CNTNAP2: variants seen among roughly 807,000 people sequenced by gnomAD.
CNTNAP2 encodes contactin-associated protein-like 2.
Under a neutral mutation model 155.2 loss-of-function variants are expected in CNTNAP2, and 98 were observed. That is an observed-to-expected ratio of 0.63 (90% CI 0.54 to 0.75). The LOEUF is 0.75. Among genes scored for constraint, CNTNAP2 ranks in the 30% least tolerant of loss-of-function variants. The pLI, the probability that CNTNAP2 is intolerant of heterozygous loss-of-function variation, is 0.00. For synonymous variants in CNTNAP2, 651 were observed against 631.2 expected, an observed-to-expected ratio of 1.03 and a Z score of -0.47; for missense variants, 1,727 against 1,688.1, an observed-to-expected ratio of 1.02 and a Z score of -0.40.
intron 1 of CNTNAP2, among the ~76,000 whole-genome samples, chr7:146,557,658 A>G (rs971104210): frequency 2.6e-5 from 4 of 151,288 alleles, no homozygotes; most frequent in African/African-American, 9.9e-5. Flanking sequence ...TACGTGTCTT[A>G]ATATTCAGTC....
At chr7:148,079,889 G>A (rs1049602493) in intron 15 of CNTNAP2, among the ~76,000 whole-genome samples, 1 of 152,152 alleles carries the variant, frequency 6.6e-6, no homozygotes, top group East Asian at 1.9e-4. Context: ...AGTTTTTCAG[G>A]TTAACTTTGG....
intron 20 of CNTNAP2, among the ~76,000 whole-genome samples, chr7:148,248,493 G>A (rs957198160): frequency 2.0e-5 from 3 of 152,130 alleles, no homozygotes; most frequent in Non-Finnish European, 2.9e-5. Context: ...TACCACGCCC[G>A]GCCTACTTGT....
At chr7:146,815,812 A>G (rs895165255) in intron 2 of CNTNAP2, among the ~76,000 whole-genome samples, 2 of 152,096 alleles carry the variant, frequency 1.3e-5, no homozygotes, top group African/African-American at 2.4e-5. Context: ...CACAACGTGC[A>G]GGTTTGTTAC....
intron 8 of CNTNAP2, among the ~76,000 whole-genome samples, chr7:147,138,386 T>G (rs1801531283): frequency 6.6e-6 from 1 of 151,934 alleles, no homozygotes; most frequent in Admixed American, 6.6e-5. Flanking sequence ...ATCTAAAACA[T>G]ATTTTGCTGA....
chr7:147,521,893 G>A (rs1392629340), intron 11 of CNTNAP2, among the ~76,000 whole-genome samples: 1 of 152,152 alleles, frequency 6.6e-6, no homozygotes, highest in African/African-American at 2.4e-5. Flanking sequence ...CTGAGAGAGT[G>A]GTTCAGCTAC....
At chr7:147,408,146 TG>T (rs1797040696) in intron 10 of CNTNAP2, among the ~76,000 whole-genome samples, 3 of 147,396 alleles carry the variant, frequency 2.0e-5, no homozygotes, top group Non-Finnish European at 4.6e-5. Flanking sequence ...TACTGATTTA[TG>T]AAAGAGTTAG....
At chr7:148,354,178 ATTTTTTTTTTT>A (rs57278575) in intron 21 of CNTNAP2, among the ~76,000 whole-genome samples, 20 of 99,322 alleles carry the variant, frequency 2.0e-4, no homozygotes, top group Non-Finnish European at 3.2e-4. Context: ...GAAACGATTA[ATTTTTTTTTTT>A]TTTTTTTTTT....
intron 1 of CNTNAP2, among the ~76,000 whole-genome samples, chr7:146,673,146 C>A (rs2129168456): frequency 6.6e-6 from 1 of 152,072 alleles, no homozygotes; most frequent in East Asian, 1.9e-4. Context: ...TTCAAATAAC[C>A]TTCATTGGTC....
intron 2 of CNTNAP2, among the ~76,000 whole-genome samples, chr7:146,791,042 A>G (rs905174493): frequency 2.0e-5 from 3 of 151,584 alleles, no homozygotes; most frequent in East Asian, 1.9e-4. Context: ...TCTACAATAG[A>G]TGTTTCTCCT....
intron 1 of CNTNAP2, among the ~76,000 whole-genome samples, chr7:146,323,358 C>T (rs1328927885): frequency 3.3e-5 from 5 of 151,728 alleles, no homozygotes; most frequent in South Asian, 2.1e-4. Context: ...ATCTCTCTCT[C>T]GGTGTTATGC....
intron 8 of CNTNAP2, among the ~76,000 whole-genome samples, chr7:147,135,929 C>G (rs1056348699): frequency 6.6e-6 from 1 of 151,268 alleles, no homozygotes; most frequent in Non-Finnish European, 1.5e-5. Context: ...AACTCCATCA[C>G]TCTATATTGG....
chr7:147,105,179 C>G (rs991524637), intron 4 of CNTNAP2, among the ~76,000 whole-genome samples: 1 of 151,490 alleles, frequency 6.6e-6, no homozygotes, highest in Non-Finnish European at 1.5e-5. Flanking sequence ...ATGGTAAACA[C>G]TTCTTCAAAT....
At chr7:146,298,841 T>C (rs992881069) in intron 1 of CNTNAP2, among the ~76,000 whole-genome samples, 2 of 152,194 alleles carry the variant, frequency 1.3e-5, no homozygotes, top group Non-Finnish European at 2.9e-5. Flanking sequence ...ATTTGAGGAA[T>C]GGAAGAGCAT....
intron 21 of CNTNAP2, among the ~76,000 whole-genome samples, chr7:148,306,329 G>A (rs113997970): frequency 1.3e-5 from 2 of 152,092 alleles, no homozygotes; most frequent in Admixed American, 6.5e-5. Context: ...AACACACATG[G>A]GGCCTTTTAA....
chr7:147,520,588 A>G (rs540481155), intron 11 of CNTNAP2, among the ~76,000 whole-genome samples: 35 of 152,308 alleles, frequency 2.3e-4, no homozygotes, highest in African/African-American at 7.9e-4. Context: ...TGGAGGAGGA[A>G]CACAGGAGTG....
chr7:146,408,698 A>T (rs1795826782), intron 1 of CNTNAP2, among the ~76,000 whole-genome samples: 1 of 152,040 alleles, frequency 6.6e-6, no homozygotes, highest in South Asian at 2.1e-4. Flanking sequence ...GGTGCAGCAC[A>T]CCAACATGGC....
chr7:147,498,947 T>TAA (rs11463553), intron 11 of CNTNAP2, among the ~76,000 whole-genome samples: 3 of 151,232 alleles, frequency 2.0e-5, no homozygotes, highest in Non-Finnish European at 4.4e-5. Context: ...CATGTGGTAA[T>TAA]AAAAAAAAAA....
chr7:147,748,991 A>C lies in CNTNAP2; in HGVS notation c.2098+109685A>C, dbSNP rs76889166. On this transcript the variant is annotated intron_variant, in intron 13 of 23. Coordinates refer to ENST00000361727, the MANE Select transcript of CNTNAP2 (RefSeq NM_014141.6). ...CTGACAATGAGTGAGAATTAAGTGG[A>C]ACCTTTTAGGTTCTGAGATCTCTGT... Among the ~76,000 whole-genome samples, 389 of 152,352 alleles carry C rather than the reference A, an allele frequency of 2.6e-3. 1 individual carries two copies. Among genetic ancestry groups the C allele is most frequent in the African/African-American group, 9.1e-3 (377 of 41,588 alleles).
chr7:146,374,186 GA>G lies in CNTNAP2; in HGVS notation c.97+257222del, dbSNP rs202099915. 6.9e-3 allele frequency among the ~76,000 whole-genome samples: 1,043 copies of G among 150,214 alleles called. 10 individuals are homozygous for G. The highest frequency in any genetic ancestry group is 0.024 in the African/African-American group (973 of 41,024). ...CTTTTAAAGTTGTATATGTGATTATGAAAAAAAAAGTGGCTTTAAATGTTCT... is the reference window on the plus strand; with the variant it reads ...CTTTTAAAGTTGTATATGTGATTATGAAAAAAAAGTGGCTTTAAATGTTCT... On this transcript the variant is annotated intron_variant, in intron 1 of 23. Coordinates refer to ENST00000361727, the MANE Select transcript of CNTNAP2 (RefSeq NM_014141.6).
Sources: gnomAD v4.1 joint callset for allele counts (sites outside exome capture counted in the v4.1 genomes callset) on GRCh38, gnomAD v4.1.1 for gene constraint, MANE v1.5 for transcripts, NCBI Gene and HGNC (gene_info 2026-07-23, HGNC 2026-07-21) for gene names.